Variants in EPHA2 observed in about 807,000 individuals in gnomAD.
The protein encoded by EPHA2 is EPH receptor A2, also known as ephrin type-A receptor 2.
In EPHA2, 54 loss-of-function variants were observed where a neutral mutation model predicts 104.9. That is an observed-to-expected ratio of 0.51 (90% confidence interval 0.41 to 0.65). The LOEUF (loss-of-function observed/expected upper bound fraction) is 0.65, where lower values mean the gene tolerates loss of function less well. Ranked by LOEUF, EPHA2 falls within the 30% of genes least tolerant of loss-of-function variation. The pLI is 0.00. For synonymous variants in EPHA2, 560 were observed against 559.1 expected (o/e 1.00, Z -0.02); for missense variants, 1,117 against 1,369.5 (o/e 0.82, Z 2.91).
At chr1:16,141,621 C>T (rs1194425905) in intron 3 of EPHA2, among the ~76,000 whole-genome samples, 2 of 152,250 alleles carry the variant, frequency 1.3e-5, no homozygotes, top group African/African-American at 2.4e-5. Flanking sequence ...CATAAACCCC[C>T]ACAGCCCAGG....
At chr1:16,127,320 T>A (rs550700022) in intron 16 of EPHA2, among the ~76,000 whole-genome samples, 1 of 152,272 alleles carries the variant, frequency 6.6e-6, no homozygotes, top group South Asian at 2.1e-4. Context: ...AGACAGAGCC[T>A]GGGGTTGGGC....
chr1:16,133,970 G>T, intron 8 of EPHA2, 55 bp from the exon 9 acceptor site: 2 of 1,530,286 alleles, frequency 1.3e-6, no homozygotes, highest in Admixed American at 2.0e-5. Context: ...GTCTGCTCCG[G>T]CCAGGGAAGC....
In EPHA2 at chr1:16,144,298, G is replaced by A. The variant is rs868644403; in HGVS notation, c.823+4080C>T. Among the ~76,000 whole-genome samples the A allele has an allele frequency of 1.2e-4, 18 of 152,264 alleles. No individual in the cohort carries two copies. The Middle Eastern group carries it at 0.01, about 86-fold the overall frequency. On this transcript the variant is annotated intron_variant, in intron 3 of 16. Coordinates refer to ENST00000358432, the MANE Select transcript of EPHA2 (RefSeq NM_004431.5). ...CTGCCACCGTGGTCCCACCTCTGTA[G>A]GCCAGAAGAAACATCACAGAAATAA...
rs1226040842 is a variant in EPHA2 at position 16,131,223 on chromosome 1, C to A, written c.2475+498G>T. 6.6e-6 allele frequency among the ~76,000 whole-genome samples: 1 copy of A among 152,168 alleles called. No homozygotes were observed. Among genetic ancestry groups the A allele is most frequent in the African/African-American group, 2.4e-5 (1 of 41,446 alleles). ...GTACACCCCACTCCTTTTTTCATCT[C>A]TGCACTCTCTGAATCAGCTCCTGGA... On this transcript the variant is annotated intron_variant, in intron 14 of 16. Coordinates refer to ENST00000358432, the MANE Select transcript of EPHA2 (RefSeq NM_004431.5). This position sits in a 1 kb window ranked among gnomAD's most constrained non-coding sequence, Gnocchi z 5.2.
chr1:16,129,406 A>T (rs1342709941), intron 16 of EPHA2, 28 bp downstream of exon 16: 3 of 1,579,434 alleles, frequency 1.9e-6, no homozygotes, highest in Non-Finnish European at 8.6e-7. Flanking sequence ...GCGGGAGGCG[A>T]GGGGGGACGG....
In EPHA2 at chr1:16,138,419, C is replaced by A. The variant is rs745854304; in HGVS notation, c.835G>T (p.Gly279Ter). ...TCAGATGCCTCAAACTTAAAAAATC[C>A]AGGCGAGCAGGCTGGTGGACACAGG... is the stretch of plus-strand genomic sequence containing the variant. The part of the protein sequence containing the change: ...VEDACQACSP[G>*]FFKFEASESP... Residue 279 changes from glycine (G) to a stop codon, truncating the protein, a stop_gained, in exon 4 of 17, where the codon GGA (glycine) becomes TGA (stop). Transcript: ENST00000358432. LOFTEE classifies it high-confidence loss of function. The A allele has an allele frequency of 6.2e-7, 1 of 1,613,676 alleles. No individual in the cohort carries two copies. The highest frequency in any genetic ancestry group is 1.1e-5 in the South Asian group (1 of 91,080).
chr1:16,148,321 A>G lies in EPHA2; in HGVS notation c.823+57T>C. The G allele has an allele frequency of 6.2e-7, 1 of 1,602,562 alleles. No homozygotes were observed. Among genetic ancestry groups the G allele is most frequent in the Non-Finnish European group, 8.5e-7 (1 of 1,175,074 alleles). On this transcript the variant is annotated intron_variant, in intron 3 of 16. Transcript: ENST00000358432. This position sits in a 1 kb window ranked among gnomAD's most constrained non-coding sequence, Gnocchi z 4.9. ...CAAGATTCCATGATTCCAAAGCTAA[A>G]GACCAGAACCTGGGAATGCAGAACC...
At chr1:16,132,555 A>T in intron 11 of EPHA2, 116 bp from the exon 12 acceptor site, 1 of 1,050,318 alleles carries the variant, frequency 9.5e-7, no homozygotes, top group East Asian at 2.8e-5. Flanking sequence ...AGGTGTGGGG[A>T]GAGGTGGAAC....
Position 16,133,175 on chromosome 1 carries a change from C to T in EPHA2, c.2053+5G>A. 6.2e-7 allele frequency: 1 copy of T among 1,613,188 alleles called. No individual in the cohort carries two copies. Among genetic ancestry groups the T allele is most frequent in the South Asian group, 1.1e-5 (1 of 91,086 alleles). On this transcript the variant is annotated splice_donor_5th_base_variant and intron_variant, in intron 11 of 16. Coordinates refer to ENST00000358432, the MANE Select transcript of EPHA2 (RefSeq NM_004431.5). ...CACCCAGTGTGGGCAGGCCCCAAGC[C>T]TCACATTTGGAGATGACGCCCTCTA...
intron 12 of EPHA2, 45 bp downstream of exon 12, chr1:16,132,333 G>T (rs760138875): frequency 6.2e-7 from 1 of 1,614,084 alleles, no homozygotes; most frequent in Non-Finnish European, 8.5e-7. Context: ...CCAGCCCCGG[G>T]CTCAATGGCC....
At chr1:16,154,346 C>A (rs1174655408) in intron 1 of EPHA2, among the ~76,000 whole-genome samples, 1 of 152,148 alleles carries the variant, frequency 6.6e-6, no homozygotes, top group East Asian at 1.9e-4. Context: ...ACTCCAGAGA[C>A]TGAGACAGGA....
chr1:16,150,194 C>CA lies in EPHA2; in HGVS notation c.153+701dup, dbSNP rs1374525426. On this transcript the variant is annotated intron_variant, in intron 2 of 16. Coordinates refer to ENST00000358432, the MANE Select transcript of EPHA2 (RefSeq NM_004431.5). The surrounding 1 kb of genome is among the most constrained non-coding windows in gnomAD (Gnocchi z 4.8). ...ACTATTCCAAGTAGCCCCTGGGAGA[C>CA]AGCCCCCTTTCTCAGCTCAGGGTCC... 6.6e-6 allele frequency among the ~76,000 whole-genome samples: 1 copy of CA among 152,140 alleles called. No individual in the cohort carries two copies. The highest frequency in any genetic ancestry group is 1.5e-5 in the Non-Finnish European group (1 of 68,020).
chr1:16,129,670 A>G, intron 15 of EPHA2, 81 bp from the exon 16 acceptor site: 3 of 1,505,814 alleles, frequency 2.0e-6, no homozygotes, highest in Non-Finnish European at 2.7e-6. Context: ...CCTAACCTGG[A>G]TGATTGACTC....
At position 16,134,889 on chromosome 1, in the gene EPHA2, G is replaced by A. The variant is rs2024651449; in HGVS notation, c.1582+147C>T. ...CCATGCTTCCCCCTCCCCAGGCTTG[G>A]GGGCAGTCCCCGAAGGGCTGTCCCA... On this transcript the variant is annotated intron_variant, in intron 7 of 16. Transcript: ENST00000358432. The surrounding 1 kb of genome is among the most constrained non-coding windows in gnomAD (Gnocchi z 4.5). The A allele has an allele frequency of 7.7e-7, 1 of 1,293,750 alleles. No homozygotes were observed. Among genetic ancestry groups the A allele is most frequent in the Non-Finnish European group, 1.1e-6 (1 of 930,078 alleles). The allele number at this position is 1,293,750 out of a possible 1,614,324, so 80.1% of individuals were successfully genotyped here.
At position 16,148,736 on chromosome 1, in the gene EPHA2, G is replaced by A; in HGVS notation, c.465C>T (p.Asp155=). 6.2e-7 allele frequency: 1 copy of A among 1,613,944 alleles called. No individual in the cohort carries two copies. Among genetic ancestry groups the A allele is most frequent in the South Asian group, 1.1e-5 (1 of 91,092 alleles). Reference sequence around the variant, plus strand: ...TCAGCTTCACGTGGCGTGCCTCGAAGTCGCTGCTGACGGTGATCTCATCGG... The same window carrying A: ...TCAGCTTCACGTGGCGTGCCTCGAAATCGCTGCTGACGGTGATCTCATCGG... ...IAPDEITVSS[D]FEARHVKLNV... is the part of the protein sequence containing the mutation. Residue 155 remains aspartate (D), a synonymous_variant, in exon 3 of 17, where the codon GAC becomes GAT. Transcript: ENST00000358432. The surrounding 1 kb of genome is among the most constrained non-coding windows in gnomAD (Gnocchi z 4.9).
At chr1:16,139,689 G>A (rs2024786111) in intron 3 of EPHA2, among the ~76,000 whole-genome samples, 1 of 152,202 alleles carries the variant, frequency 6.6e-6, no homozygotes, top group Non-Finnish European at 1.5e-5. Flanking sequence ...GATAGATGTT[G>A]GGAGAGGGAG....
rs758523748 is a variant in EPHA2, at chr1:16,150,882, G to A, written c.153+14C>T. ...CCATTCTCACACCTCTCCCCACCCC[G>A]AAGGCTTACATACCCCTTTGCCATA... On this transcript the variant is annotated intron_variant, in intron 2 of 16. Coordinates refer to ENST00000358432, the MANE Select transcript of EPHA2 (RefSeq NM_004431.5). The surrounding 1 kb of genome is among the most constrained non-coding windows in gnomAD (Gnocchi z 4.8). 1.7e-5 allele frequency: 27 copies of A among 1,613,860 alleles called. No homozygotes were observed. The highest frequency in any genetic ancestry group is 5.0e-5 in the Admixed American group (3 of 59,992).
At chr1:16,151,793 T>C (rs1223819718) in intron 1 of EPHA2, among the ~76,000 whole-genome samples, 1 of 152,138 alleles carries the variant, frequency 6.6e-6, no homozygotes, top group Non-Finnish European at 1.5e-5. Flanking sequence ...TAAAAGCCCT[T>C]GTAGGGGACA....
intron 9 of EPHA2, 55 bp downstream of exon 9, chr1:16,133,805 C>A: frequency 1.3e-6 from 2 of 1,506,526 alleles, no homozygotes; most frequent in South Asian, 1.3e-5. Flanking sequence ...ACCTCCCCCA[C>A]AGAGCTGGGG....
Sources: allele counts gnomAD v4.1 joint callset (sites outside exome capture counted in the v4.1 genomes callset), GRCh38; gene constraint gnomAD v4.1.1; non-coding constraint Gnocchi (gnomAD v3.1); transcripts MANE v1.5; gene names NCBI Gene and HGNC (gene_info 2026-07-23, HGNC 2026-07-21).